FBXL19: variants seen among roughly 807,000 people sequenced by gnomAD.
FBXL19 encodes F-box/LRR-repeat protein 19.
Under a neutral mutation model 71.2 loss-of-function variants are expected in FBXL19, and 16 were observed. That is an observed-to-expected ratio of 0.22 (90% CI 0.15 to 0.34). The LOEUF (loss-of-function observed/expected upper bound fraction) is 0.34. FBXL19 is among the 10% of genes least tolerant of loss of function. The pLI is 1.00. For missense variants in FBXL19, 658 were observed against 968.2 expected (o/e 0.68, Z 4.25); for synonymous variants, 447 against 409.4 (o/e 1.09, Z -1.11).
At chr16:30,941,997 C>T (rs931453109) in intron 7 of FBXL19, 119 bp from the exon 8 acceptor site, 99 of 1,170,734 alleles carry the variant, frequency 8.5e-5, no homozygotes, top group Middle Eastern at 3.0e-4. Context: ...TTCTTGCTAC[C>T]CTGTTGTCTG....
intron 1 of FBXL19, 90 bp downstream of exon 1, chr16:30,924,549 C>T (rs1310047642): frequency 2.3e-6 from 3 of 1,292,518 alleles, no homozygotes; most frequent in Non-Finnish European, 3.0e-6. Context: ...CCTTCCCCGC[C>T]CCCAGCCTCA....
chr16:30,937,379 G>A (rs2055750769), intron 7 of FBXL19, among the ~76,000 whole-genome samples: 1 of 151,958 alleles, frequency 6.6e-6, no homozygotes, highest in African/African-American at 2.4e-5. Flanking sequence ...CCCCCCAGGA[G>A]GCTCCCCCAC....
chr16:30,934,085 C>T (rs563276842), intron 7 of FBXL19, among the ~76,000 whole-genome samples: 3 of 151,722 alleles, frequency 2.0e-5, no homozygotes, highest in African/African-American at 7.2e-5. Context: ...ATGGCTTGGG[C>T]CAGGCATGAT....
chr16:30,925,978 C>T lies in FBXL19; in HGVS notation c.177+47C>T, dbSNP rs769371795. The T allele has an allele frequency of 5.6e-6, 8 of 1,436,988 alleles. No homozygotes were observed. The highest frequency in any genetic ancestry group is 3.0e-5 in the African/African-American group (2 of 66,786). The allele number at this position is 1,436,988 out of a possible 1,614,324, so 89.0% of individuals were successfully genotyped here. On this transcript the variant is annotated intron_variant, in intron 2 of 10. Transcript: ENST00000338343. The surrounding 1 kb of genome is among the most constrained non-coding windows in gnomAD (Gnocchi z 5.0). ...GGGCTCTGCCCACCCTTCCCAATACCTTCTTGGAATGGCTGGTGACTGCCT... is the reference window on the plus strand; with the variant it reads ...GGGCTCTGCCCACCCTTCCCAATACTTTCTTGGAATGGCTGGTGACTGCCT...
At chr16:30,945,330 C>G (rs56193946) in intron 9 of FBXL19, among the ~76,000 whole-genome samples, 24,133 of 151,996 alleles carry the variant, frequency 0.16, 2,414 homozygotes, top group Non-Finnish European at 0.23. Flanking sequence ...GGTCGGGGGA[C>G]CAGCAGCATC....
chr16:30,942,348 T>C lies in FBXL19; in HGVS notation c.1466-27T>C. On this transcript the variant is annotated intron_variant, in intron 8 of 10. Transcript: ENST00000338343. The surrounding 1 kb of genome is among the most constrained non-coding windows in gnomAD (Gnocchi z 5.7). ...CCTGGGATGGAGTCCTCACAGCACCTGCTTCCTGACTGCCCCCTCTCCGCA... is the reference window on the plus strand; with the variant it reads ...CCTGGGATGGAGTCCTCACAGCACCCGCTTCCTGACTGCCCCCTCTCCGCA... 1 of 1,606,060 alleles carries C rather than the reference T, an allele frequency of 6.2e-7. No individual in the cohort carries two copies.
chr16:30,932,307 A>AC (rs2055684001), intron 7 of FBXL19, among the ~76,000 whole-genome samples: 1 of 152,206 alleles, frequency 6.6e-6, no homozygotes. Context: ...GCATATAGTT[A>AC]AGCTGCAACA....
intron 7 of FBXL19, among the ~76,000 whole-genome samples, chr16:30,934,210 A>G (rs576892076): frequency 2.2e-4 from 33 of 152,088 alleles, no homozygotes; most frequent in African/African-American, 7.0e-4. Flanking sequence ...AGAAATACAA[A>G]AAATTTAGCC....
In FBXL19 at chr16:30,947,242, C is replaced by T; in HGVS notation, c.*12C>T. 6.4e-7 allele frequency: 1 copy of T among 1,561,140 alleles called. No homozygotes were observed. The highest frequency in any genetic ancestry group is 1.2e-5 in the South Asian group (1 of 86,650). On this transcript the variant is annotated 3_prime_UTR_variant, in exon 11 of 11. Transcript: ENST00000338343. ...TCAAGGACAGCTAGTTGGGCGCCCCCCACCCTCCCCCGGACTCGACAGGAG... is the reference window on the plus strand; with the variant it reads ...TCAAGGACAGCTAGTTGGGCGCCCCTCACCCTCCCCCGGACTCGACAGGAG...
At chr16:30,935,984 G>A (rs895407087) in intron 7 of FBXL19, among the ~76,000 whole-genome samples, 8 of 152,064 alleles carry the variant, frequency 5.3e-5, no homozygotes, top group Non-Finnish European at 1.2e-4. Context: ...CACAACAGAC[G>A]CCCACCATCG....
chr16:30,928,467 G>A lies in FBXL19; in HGVS notation c.628G>A (p.Val210Met). ...GNEPPTPRKK[V>M]KGGRERHLKK... ...CCATATCTCCCTCTCACCCTGGTAG[G>A]TGAAAGGAGGCCGAGAGAGGCACCT... Residue 210 changes from valine (V) to methionine (M), a missense_variant and splice_region_variant, in exon 6 of 11, where the codon GTG (valine) becomes ATG (methionine). Val to Met is a conservative substitution (Grantham distance 21). Around this residue, in one of 8 missense-constraint regions of FBXL19, gnomAD observed 447 missense variants for 515.4 expected, o/e 0.87. Coordinates refer to ENST00000338343, the MANE Select transcript of FBXL19 (RefSeq NM_001382779.1). 6.3e-7 allele frequency: 1 copy of A among 1,576,948 alleles called. No individual in the cohort carries two copies. The highest frequency in any genetic ancestry group is 8.6e-7 in the Non-Finnish European group (1 of 1,161,274).
chr16:30,931,849 C>G (rs2055677504), intron 7 of FBXL19, among the ~76,000 whole-genome samples: 1 of 151,776 alleles, frequency 6.6e-6, no homozygotes, highest in Admixed American at 6.6e-5. Context: ...GCCTCGGCCT[C>G]CTGAGTAACT....
In FBXL19 at chr16:30,928,616, C is replaced by A; in HGVS notation, c.777C>A (p.Pro259=). ...CATCCTGCCACCCTGGGCTCCCTCCCGAGAACTGGGAGGTGTGCCGGGGAC... is the reference window on the plus strand; with the variant it reads ...CATCCTGCCACCCTGGGCTCCCTCCAGAGAACTGGGAGGTGTGCCGGGGAC... ...AFSSCHPGLP[P]ENWEKPKPPL... Residue 259 remains proline (P), a synonymous_variant, in exon 6 of 11, where the codon CCC becomes CCA. Coordinates refer to ENST00000338343, the MANE Select transcript of FBXL19 (RefSeq NM_001382779.1). 2.5e-6 allele frequency: 4 copies of A among 1,587,190 alleles called. No homozygotes were observed. Among genetic ancestry groups the A allele is most frequent in the Middle Eastern group, 3.5e-4 (2 of 5,750 alleles).
chr16:30,929,776 G>A (rs1408466139), intron 6 of FBXL19, among the ~76,000 whole-genome samples: 1 of 152,148 alleles, frequency 6.6e-6, no homozygotes, highest in Non-Finnish European at 1.5e-5. Flanking sequence ...GGATGGTCTC[G>A]ATCTCTTGAC....
chr16:30,933,155 CA>C (rs1181494719), intron 7 of FBXL19, among the ~76,000 whole-genome samples: 1 of 151,240 alleles, frequency 6.6e-6, no homozygotes, highest in Non-Finnish European at 1.5e-5. Flanking sequence ...CATACGGTAC[CA>C]CGCCTGCCTA....
In FBXL19 at chr16:30,948,573, CAG is replaced by C. The variant is rs755425554; in HGVS notation, c.*1344_*1345del. 7.4e-5 allele frequency: 8 copies of C among 108,388 alleles called. No homozygotes were observed. The highest frequency in any genetic ancestry group is 1.5e-4 in the Non-Finnish European group (8 of 54,366). 6.7% of individuals were successfully genotyped at this position (108,388 alleles called of 1,614,324 possible). ...AGATCTATCCACATACCTCAGGTAACAGGGAGGTGCGCGGGTGGGGGGAGGGC... is the reference window on the plus strand; with the variant it reads ...AGATCTATCCACATACCTCAGGTAACGGAGGTGCGCGGGTGGGGGGAGGGC... On this transcript the variant is annotated 3_prime_UTR_variant, in exon 11 of 11. Coordinates refer to ENST00000338343, the MANE Select transcript of FBXL19 (RefSeq NM_001382779.1).
At chr16:30,938,683 C>G (rs1385047203) in intron 7 of FBXL19, among the ~76,000 whole-genome samples, 2 of 152,034 alleles carry the variant, frequency 1.3e-5, no homozygotes, top group Non-Finnish European at 1.5e-5. Context: ...GTCGCCCAGG[C>G]TGGAGTGCAG....
In FBXL19 at chr16:30,928,597, G is replaced by C; in HGVS notation, c.758G>C (p.Cys253Ser). 1 of 1,598,610 alleles carries C rather than the reference G, an allele frequency of 6.3e-7. No individual in the cohort carries two copies. The highest frequency in any genetic ancestry group is 1.1e-5 in the South Asian group (1 of 89,122). ...AATCCGAGCCAGGCTTTCTCATCCT[G>C]CCACCCTGGGCTCCCTCCCGAGAAC... ...VLNPSQAFSS[C>S]HPGLPPENWE... Residue 253 changes from cysteine to serine, a missense_variant, in exon 6 of 11, where the codon TGC (cysteine) becomes TCC (serine). Around this residue, in one of 8 missense-constraint regions of FBXL19, gnomAD observed 447 missense variants for 515.4 expected, o/e 0.87. Transcript: ENST00000338343.
intron 2 of FBXL19, among the ~76,000 whole-genome samples, chr16:30,926,632 C>G (rs930395625): frequency 2.6e-5 from 4 of 152,140 alleles, no homozygotes; most frequent in African/African-American, 9.7e-5. Context: ...CCACTCTTTC[C>G]TGGTTGGTCT....
Sources: allele counts gnomAD v4.1 joint callset (sites outside exome capture counted in the v4.1 genomes callset), GRCh38; gene constraint gnomAD v4.1.1; regional missense constraint gnomAD v4.1.1; non-coding constraint Gnocchi (gnomAD v3.1); transcripts MANE v1.5; gene names NCBI Gene and HGNC (gene_info 2026-07-23, HGNC 2026-07-21).